Variants in ADCY9 observed in about 807,000 individuals in gnomAD.
The protein encoded by ADCY9 is adenylate cyclase 9, also known as adenylate cyclase type 9.
Under a neutral mutation model 101.5 loss-of-function variants are expected in ADCY9, and 50 were observed. The observed-to-expected ratio is 0.49, with a 90% CI of 0.39 to 0.62. The LOEUF (loss-of-function observed/expected upper bound fraction) is 0.62, where lower values mean the gene tolerates loss of function less well. Ranked by LOEUF, ADCY9 falls within the 20% of genes least tolerant of loss-of-function variation. The probability of loss-of-function intolerance (pLI) is 0.00; values close to 1 mark genes in which losing one functional copy is unlikely to be tolerated. For synonymous variants in ADCY9, 905 were observed against 769.3 expected, an observed-to-expected ratio of 1.18 and a Z score of -2.92; for missense variants, 1,662 against 1,800.4, an observed-to-expected ratio of 0.92 and a Z score of 1.39.
At chr16:4,078,538 G>C (rs1171535186) in intron 2 of ADCY9, among the ~76,000 whole-genome samples, 1 of 144,444 alleles carries the variant, frequency 6.9e-6, no homozygotes, top group Non-Finnish European at 1.5e-5. Context: ...AGCCTGCCTA[G>C]AGTGAGACCC....
chr16:4,114,222 A>T lies in ADCY9; in HGVS notation c.1221T>A (p.Ser407Arg). The change falls in exon 2 of 11, where the codon AGT (serine) becomes AGA (arginine). Residue 407 changes from serine to arginine, a missense_variant. This residue lies in a region of ADCY9 where 228 missense variants were observed against 301.1 expected (regional missense o/e 0.76). Transcript: ENST00000294016. The surrounding 1 kb of genome is among the most constrained non-coding windows in gnomAD (Gnocchi z 4.3). ...FADIVGFTKM[S>R]ANKSAHALVG... ...CCAGGGCGTGGGCAGACTTGTTGGC[A>T]CTCATCTTGGTGAAGCCCACGATAT... 1 of 1,613,888 alleles carries T rather than the reference A, an allele frequency of 6.2e-7. No individual in the cohort carries two copies. Among genetic ancestry groups the T allele is most frequent in the Non-Finnish European group, 8.5e-7 (1 of 1,180,022 alleles).
chr16:3,983,125 C>G, intron 7 of ADCY9, 107 bp downstream of exon 7: 2 of 1,071,808 alleles, frequency 1.9e-6, no homozygotes, highest in Admixed American at 2.7e-5. Context: ...AATCAGCCAG[C>G]AGGGACAGCT....
In ADCY9 at chr16:3,983,312, G is replaced by A. The variant is rs541251307; in HGVS notation, c.2439C>T (p.Thr813=). Reference sequence around the variant, plus strand: ...CCAGGGCGGCGGGCGGGGGAGGCACGGTGGCCGCCTCGTACTTCAGGAAGC... The same window carrying A: ...CCAGGGCGGCGGGCGGGGGAGGCACAGTGGCCGCCTCGTACTTCAGGAAGC... ...TTCFLKYEAA[T]VPPPPAALAV... The change falls in exon 7 of 11, where the codon ACC becomes ACT. Residue 813 remains threonine, a synonymous_variant. Coordinates refer to ENST00000294016, the MANE Select transcript of ADCY9 (RefSeq NM_001116.4). The A allele has an allele frequency of 1.5e-5, 24 of 1,568,984 alleles. No individual in the cohort carries two copies. In the South Asian group the frequency reaches 1.6e-4, roughly 11 times the overall value.
rs540957636 is a variant in ADCY9, at chr16:4,028,598, G to T, written c.1694-21040C>A. On this transcript the variant is annotated intron_variant, in intron 2 of 10. Transcript: ENST00000294016. Reference sequence around the variant, plus strand: ...ATTTGTGGTTTGGGACTGGAAGCAGGTATTGCCTGAAACCAGATATGATGG... The same window carrying T: ...ATTTGTGGTTTGGGACTGGAAGCAGTTATTGCCTGAAACCAGATATGATGG... Among the ~76,000 whole-genome samples the T allele has an allele frequency of 5.9e-5, 9 of 152,284 alleles. No individual in the cohort carries two copies. The South Asian group carries it at 1.7e-3, about 28-fold the overall frequency.
intron 2 of ADCY9, among the ~76,000 whole-genome samples, chr16:4,080,264 G>C (rs2056893279): frequency 6.6e-6 from 1 of 150,858 alleles, no homozygotes; most frequent in Non-Finnish European, 1.5e-5. Flanking sequence ...CTTTTTTTTT[G>C]AGACAGTCTT....
intron 2 of ADCY9, among the ~76,000 whole-genome samples, chr16:4,040,283 G>T (rs991243173): frequency 6.6e-6 from 1 of 152,070 alleles, no homozygotes; most frequent in Non-Finnish European, 1.5e-5. Flanking sequence ...TCAGACTAGG[G>T]TAGTTTGTTG....
intron 2 of ADCY9, among the ~76,000 whole-genome samples, chr16:4,023,112 A>T (rs1219500819): frequency 6.6e-6 from 1 of 152,228 alleles, no homozygotes; most frequent in Non-Finnish European, 1.5e-5. Context: ...ATTTCTCTGG[A>T]GGGTGAATTA....
intron 2 of ADCY9, among the ~76,000 whole-genome samples, chr16:4,074,376 G>A (rs1311254376): frequency 6.6e-6 from 1 of 151,602 alleles, no homozygotes; most frequent in East Asian, 1.9e-4. Flanking sequence ...GAAATAAATC[G>A]ATAGAAGAGA....
At chr16:3,983,211 C>T in intron 7 of ADCY9, 21 bp downstream of exon 7, 1 of 1,542,590 alleles carries the variant, frequency 6.5e-7, no homozygotes, top group Non-Finnish European at 8.7e-7. Flanking sequence ...GAGCTGGAGA[C>T]CCAGTCCACG....
At chr16:4,063,180 A>G (rs775400402) in intron 2 of ADCY9, among the ~76,000 whole-genome samples, 2 of 152,244 alleles carry the variant, frequency 1.3e-5, no homozygotes, top group African/African-American at 2.4e-5. Flanking sequence ...TTTAAAAATC[A>G]AGAACAGAAA....
chr16:3,981,632 A>G (rs939209972), intron 7 of ADCY9: 2 of 152,146 alleles, frequency 1.3e-5, no homozygotes, highest in African/African-American at 2.4e-5. Context: ...TTTGCTCGTC[A>G]CCCAGAATGG....
Position 3,983,360 on chromosome 16 carries a change from C to A in ADCY9, c.2391G>T (p.Val797=). 6.2e-7 allele frequency: 1 copy of A among 1,603,966 alleles called. No homozygotes were observed. Among genetic ancestry groups the A allele is most frequent in the Non-Finnish European group, 8.5e-7 (1 of 1,175,036 alleles). The change falls in exon 7 of 11, where the codon GTG becomes GTT. Residue 797 remains valine, a synonymous_variant. Coordinates refer to ENST00000294016, the MANE Select transcript of ADCY9 (RefSeq NM_001116.4). ...SLLDVFLSTT[V]FLTLSTTCFL... Reference sequence around the variant, plus strand: ...AGCAGGTGGTGGACAGCGTCAGAAACACTGTGGTCGACAGAAACACATCCA... The same window carrying A: ...AGCAGGTGGTGGACAGCGTCAGAAAAACTGTGGTCGACAGAAACACATCCA...
intron 3 of ADCY9, among the ~76,000 whole-genome samples, chr16:3,999,929 T>G (rs984695884): frequency 6.6e-5 from 10 of 152,204 alleles, no homozygotes; most frequent in Admixed American, 5.9e-4. Flanking sequence ...ATAAATCATT[T>G]CTAAGCCAAC....
In ADCY9 at chr16:4,108,696, G is replaced by A. The variant is rs146338573; in HGVS notation, c.1693+5054C>T. On this transcript the variant is annotated intron_variant, in intron 2 of 10. Coordinates refer to ENST00000294016, the MANE Select transcript of ADCY9 (RefSeq NM_001116.4). ...CCATTTCTCCATATCTTTAATAACTGTCCCTCACACTTTTTTTTTTTTTTT... is the reference window on the plus strand; with the variant it reads ...CCATTTCTCCATATCTTTAATAACTATCCCTCACACTTTTTTTTTTTTTTT... Among the ~76,000 whole-genome samples, 205 of 120,708 alleles carry A rather than the reference G, an allele frequency of 1.7e-3. 1 individual carries two copies. In the East Asian group the frequency reaches 0.02, roughly 12 times the overall value. 79.2% of individuals were successfully genotyped at this position (120,708 alleles called of 152,430 possible).
Position 4,069,506 on chromosome 16 carries a change from C to A in ADCY9, c.1693+44244G>T, listed in dbSNP as rs1597206571. Among the ~76,000 whole-genome samples the A allele has an allele frequency of 2.6e-5, 4 of 151,612 alleles. No homozygotes were observed. The East Asian group carries it at 7.8e-4, about 30-fold the overall frequency. On this transcript the variant is annotated intron_variant, in intron 2 of 10. Transcript: ENST00000294016. Reference sequence around the variant, plus strand: ...GGGGCTTCAACAAAGGTTGGAAGAACAACGAATAAATAGAATATATTCTAT... The same window carrying A: ...GGGGCTTCAACAAAGGTTGGAAGAAAAACGAATAAATAGAATATATTCTAT...
chr16:4,015,257 G>C (rs2056430967), intron 2 of ADCY9, among the ~76,000 whole-genome samples: 2 of 151,962 alleles, frequency 1.3e-5, no homozygotes, highest in African/African-American at 4.8e-5. Flanking sequence ...CTTATCTTCT[G>C]TATTCCGAGT....
At chr16:4,031,361 A>G (rs1037577943) in intron 2 of ADCY9, among the ~76,000 whole-genome samples, 1 of 152,196 alleles carries the variant, frequency 6.6e-6, no homozygotes, top group African/African-American at 2.4e-5. Flanking sequence ...AGATACACAC[A>G]CATACACATA....
At chr16:4,066,879 C>T (rs548911211) in intron 2 of ADCY9, among the ~76,000 whole-genome samples, 12 of 152,308 alleles carry the variant, frequency 7.9e-5, no homozygotes, top group African/African-American at 2.2e-4. Context: ...TTCATCCCAA[C>T]GTTTTCATTT....
At chr16:4,045,550 G>A (rs1224570271) in intron 2 of ADCY9, among the ~76,000 whole-genome samples, 10 of 131,614 alleles carry the variant, frequency 7.6e-5, no homozygotes, top group East Asian at 4.8e-4. Context: ...AGCTGAGATC[G>A]GACCACTGCA....
Sources: allele counts gnomAD v4.1 joint callset (sites outside exome capture counted in the v4.1 genomes callset), GRCh38; gene constraint gnomAD v4.1.1; regional missense constraint gnomAD v4.1.1; non-coding constraint Gnocchi (gnomAD v3.1); transcripts MANE v1.5; gene names NCBI Gene and HGNC (gene_info 2026-07-23, HGNC 2026-07-21).